The following STK3 variants were observed in gnomAD, a reference collection of about 807,000 sequenced individuals.
STK3 encodes serine/threonine kinase 3.
A neutral mutation model predicts 58.0 loss-of-function variants in STK3; 41 were observed. The observed-to-expected ratio is 0.71, with a 90% CI of 0.55 to 0.92. The LOEUF (loss-of-function observed/expected upper bound fraction) is 0.92, where lower values mean the gene tolerates loss of function less well. Ranked by LOEUF, STK3 falls within the 40% of genes least tolerant of loss-of-function variation. STK3 has a pLI of 0.00. For synonymous variants in STK3, 170 were observed against 191.0 expected (o/e 0.89, Z 0.91); for missense variants, 479 against 602.7 (o/e 0.79, Z 2.15).
In STK3 at chr8:98,594,033, C is replaced by T. The variant is rs143599013; in HGVS notation, c.822+1999G>A. Among the ~76,000 whole-genome samples the T allele has an allele frequency of 6.8e-3, 1,034 of 152,142 alleles. 8 individuals carry two copies. The highest frequency in any genetic ancestry group is 0.023 in the African/African-American group (964 of 41,500). ...AAAATACATATATATTTCAGCAGGG[C>T]GAGATAGCTCACGCCTATAATCCCA... is the stretch of plus-strand genomic sequence containing the variant. On this transcript the variant is annotated intron_variant, in intron 7 of 10. Coordinates refer to ENST00000419617, the MANE Select transcript of STK3 (RefSeq NM_006281.4).
chr8:98,610,966 T>C (rs1184507717), intron 6 of STK3, among the ~76,000 whole-genome samples: 1 of 152,136 alleles, frequency 6.6e-6, no homozygotes, highest in South Asian at 2.1e-4. Context: ...AATATAAAAA[T>C]GCTCATTATA....
In STK3 at chr8:98,800,152, C is replaced by G. The variant is rs1833430435; in HGVS notation, c.27-25333G>C. 6.6e-6 allele frequency among the ~76,000 whole-genome samples: 1 copy of G among 152,176 alleles called. No individual in the cohort carries two copies. The highest frequency in any genetic ancestry group is 1.5e-5 in the Non-Finnish European group (1 of 68,034). On this transcript the variant is annotated intron_variant, in intron 1 of 10. Coordinates refer to ENST00000419617, the MANE Select transcript of STK3 (RefSeq NM_006281.4). This position sits in a 1 kb window ranked among gnomAD's most constrained non-coding sequence, Gnocchi z 4.8. ...CGCCTTTGGACCCTATATTTTTAAC[C>G]TCCTTGTTTTGTTTCCTCTAGAATT...
At chr8:98,726,162 G>C (rs1028253789) in intron 4 of STK3, among the ~76,000 whole-genome samples, 1 of 152,214 alleles carries the variant, frequency 6.6e-6, no homozygotes, top group Non-Finnish European at 1.5e-5. Flanking sequence ...ATGAAGGTGG[G>C]CCTGACTGAC....
chr8:98,375,504 T>C (rs1043757552), intron 2 of STK3, among the ~76,000 whole-genome samples: 2 of 152,188 alleles, frequency 1.3e-5, no homozygotes, highest in African/African-American at 4.8e-5. Flanking sequence ...ATAATCAGGA[T>C]ACTGAACTGT....
intron 3 of STK3, among the ~76,000 whole-genome samples, chr8:98,762,972 A>C (rs538742344): frequency 3.9e-4 from 60 of 152,186 alleles, no homozygotes; most frequent in Non-Finnish European, 6.2e-4. Flanking sequence ...TTCATGTAAA[A>C]GCTCTAGGTC....
intron 8 of STK3, among the ~76,000 whole-genome samples, chr8:98,563,965 G>C (rs1392171923): frequency 2.6e-5 from 4 of 152,146 alleles, no homozygotes; most frequent in Non-Finnish European, 4.4e-5. Flanking sequence ...AATGTGAGCT[G>C]TGTACTGTGA....
chr8:98,628,969 G>A (rs1818965869), intron 6 of STK3, among the ~76,000 whole-genome samples: 3 of 152,138 alleles, frequency 2.0e-5, no homozygotes, highest in Admixed American at 2.0e-4. Context: ...GGGATGTTGA[G>A]AGAAGCCTGG....
intron 9 of STK3, among the ~76,000 whole-genome samples, chr8:98,543,694 G>C (rs1226709120): frequency 6.6e-6 from 1 of 152,100 alleles, no homozygotes; most frequent in Non-Finnish European, 1.5e-5. Flanking sequence ...AACTGAGATG[G>C]GAGGCAGGAA....
At chr8:98,354,648 C>T in the STK3 span, among the ~76,000 whole-genome samples, 4 of 152,132 alleles carry the variant, frequency 2.6e-5, no homozygotes, top group Non-Finnish European at 4.4e-5. Context: ...CCATACATTC[C>T]AATCTGGTAA....
At chr8:98,433,836 A>G (rs1349683881) in intron 3 of STK3, among the ~76,000 whole-genome samples, 2 of 152,342 alleles carry the variant, frequency 1.3e-5, no homozygotes, top group Non-Finnish European at 2.9e-5. Flanking sequence ...TGCTTGAGCT[A>G]GGTTCTGATC....
chr8:98,568,555 A>T (rs1036794508), intron 8 of STK3, among the ~76,000 whole-genome samples: 2 of 152,210 alleles, frequency 1.3e-5, no homozygotes, highest in Non-Finnish European at 2.9e-5. Flanking sequence ...GCTTCTCTCA[A>T]ATATAATCCC....
At chr8:98,501,600 T>A (rs182631719) in intron 10 of STK3, among the ~76,000 whole-genome samples, 2 of 152,226 alleles carry the variant, frequency 1.3e-5, no homozygotes, top group African/African-American at 4.8e-5. Context: ...AAGGAAGGGA[T>A]CCAGTTTCAG....
At chr8:98,924,148 T>G (rs964786692) in intron 1 of STK3, among the ~76,000 whole-genome samples, 1 of 152,108 alleles carries the variant, frequency 6.6e-6, no homozygotes, top group Non-Finnish European at 1.5e-5. Flanking sequence ...CCCTGAAAAT[T>G]TTGTGGAGGC....
At chr8:98,724,286 CTACCT>C (rs1207010163) in intron 4 of STK3, among the ~76,000 whole-genome samples, 1 of 152,192 alleles carries the variant, frequency 6.6e-6, no homozygotes, top group Non-Finnish European at 1.5e-5. Flanking sequence ...CCTCGACCAT[CTACCT>C]TACCATTCTA....
chr8:98,625,646 C>A (rs905367225), intron 6 of STK3, among the ~76,000 whole-genome samples: 1 of 152,170 alleles, frequency 6.6e-6, no homozygotes, highest in African/African-American at 2.4e-5. Context: ...TGTGCTTAAA[C>A]CTCCCAAGTG....
In STK3 at chr8:98,800,854, C is replaced by T. The variant is rs974975142; in HGVS notation, c.26+24661G>A. 6.6e-6 allele frequency among the ~76,000 whole-genome samples: 1 copy of T among 152,240 alleles called. No individual in the cohort carries two copies. The highest frequency in any genetic ancestry group is 1.5e-5 in the Non-Finnish European group (1 of 68,038). On this transcript the variant is annotated intron_variant, in intron 1 of 10. Coordinates refer to ENST00000419617, the MANE Select transcript of STK3 (RefSeq NM_006281.4). This position sits in a 1 kb window ranked among gnomAD's most constrained non-coding sequence, Gnocchi z 4.8. ...GCAGGGCTCAGGACCTGCAGCCCCC[C>T]ATGCCAGAGCCCCCCCCACCAAGGT...
At chr8:98,514,210 G>T (rs1174549892) in intron 10 of STK3, among the ~76,000 whole-genome samples, 1 of 152,004 alleles carries the variant, frequency 6.6e-6, no homozygotes, top group Non-Finnish European at 1.5e-5. Flanking sequence ...GGGTGGGGAA[G>T]GATCAAGTGA....
chr8:98,736,307 G>A (rs1470717842), intron 4 of STK3, among the ~76,000 whole-genome samples: 3 of 152,148 alleles, frequency 2.0e-5, no homozygotes, highest in South Asian at 2.1e-4. Flanking sequence ...AAGACTGGGG[G>A]TAGGGATAAC....
Position 98,455,992 on chromosome 8 carries a change from A to AT in STK3, c.1325dup (p.Asn442LysfsTer78), listed in dbSNP as rs750311179. 1.2e-6 allele frequency: 2 copies of AT among 1,606,772 alleles called. No individual in the cohort carries two copies. The highest frequency in any genetic ancestry group is 1.7e-4 in the Middle Eastern group (1 of 6,052). ...GCATCTGTAGTTCTTCTAAACTTAG[A>AT]TTTTTCAACTAGATACAGAAAGAAA... On this transcript the variant is annotated frameshift_variant, in exon 11 of 11. Transcript: ENST00000419617. LOFTEE classifies it high-confidence loss of function.
Sources: gnomAD v4.1 joint callset for allele counts (sites outside exome capture counted in the v4.1 genomes callset) on GRCh38, gnomAD v4.1.1 for gene constraint, Gnocchi (gnomAD v3.1) non-coding constraint, MANE v1.5 for transcripts, NCBI Gene and HGNC (gene_info 2026-07-23, HGNC 2026-07-21) for gene names.